DENND1B: variants seen among roughly 807,000 people sequenced by gnomAD.
DENND1B encodes DENN domain-containing protein 1B.
In DENND1B, 59 loss-of-function variants were observed where a neutral mutation model predicts 90.1. The ratio of observed to expected loss-of-function variants is 0.65; its 90% CI spans 0.53 to 0.81. DENND1B has a LOEUF of 0.81. Among genes scored for constraint, DENND1B ranks in the 40% least tolerant of loss-of-function variants. The probability of loss-of-function intolerance (pLI) is 0.00; values close to 1 mark genes in which losing one functional copy is unlikely to be tolerated. For synonymous variants in DENND1B, 337 were observed against 324.6 expected (o/e 1.04, Z -0.41); for missense variants, 862 against 912.6 (o/e 0.94, Z 0.71).
At chr1:197,600,568 C>T (rs1676111620) in intron 13 of DENND1B, among the ~76,000 whole-genome samples, 1 of 151,760 alleles carries the variant, frequency 6.6e-6, no homozygotes, top group South Asian at 2.1e-4. Flanking sequence ...CTTTGGAAAA[C>T]TTACCTCTTA....
intron 10 of DENND1B, among the ~76,000 whole-genome samples, chr1:197,625,644 G>T (rs1233697901): frequency 1.3e-5 from 2 of 151,942 alleles, no homozygotes; most frequent in Non-Finnish European, 2.9e-5. Flanking sequence ...ATAATGACAG[G>T]ATCAAATTCA....
intron 17 of DENND1B, 100 bp downstream of exon 17, chr1:197,546,633 T>C: frequency 2.0e-6 from 2 of 1,007,134 alleles, no homozygotes; most frequent in Non-Finnish European, 2.9e-6. Flanking sequence ...ACATTTCAAA[T>C]ATTTCAAATA....
chr1:197,691,236 T>C (rs1166762233), intron 3 of DENND1B, among the ~76,000 whole-genome samples: 1 of 143,116 alleles, frequency 7.0e-6, no homozygotes, highest in Non-Finnish European at 1.5e-5. Flanking sequence ...CCAAAGCATA[T>C]AAGGAACTCC....
At chr1:197,614,107 A>G (rs1677426465) in intron 11 of DENND1B, among the ~76,000 whole-genome samples, 1 of 150,384 alleles carries the variant, frequency 6.6e-6, no homozygotes, top group Non-Finnish European at 1.5e-5. Context: ...TGGAAGATAT[A>G]CTTATCTTCA....
intron 18 of DENND1B, among the ~76,000 whole-genome samples, chr1:197,541,494 A>G (rs576999592): frequency 9.8e-4 from 150 of 152,356 alleles, no homozygotes; most frequent in African/African-American, 3.4e-3. Flanking sequence ...TATTTCATAT[A>G]TAGTTTTTCT....
intron 15 of DENND1B, among the ~76,000 whole-genome samples, chr1:197,560,216 G>C (rs568341156): frequency 6.6e-6 from 1 of 151,942 alleles, no homozygotes; most frequent in African/African-American, 2.4e-5. Context: ...CAGACCAAAA[G>C]AATCAACTAA....
At chr1:197,564,884 T>A (rs1025872925) in intron 15 of DENND1B, among the ~76,000 whole-genome samples, 1 of 152,022 alleles carries the variant, frequency 6.6e-6, no homozygotes, top group Non-Finnish European at 1.5e-5. Context: ...ATTTAGGATA[T>A]TGAAATCAGT....
Position 197,595,264 on chromosome 1 carries a change from G to A in DENND1B, c.991C>T (p.Leu331Phe). Residue 331 changes from leucine (L) to phenylalanine (F), a missense_variant, in exon 14 of 23, where the codon CTT (leucine) becomes TTT (phenylalanine). Coordinates refer to ENST00000620048, the MANE Select transcript of DENND1B (RefSeq NM_001195215.2). ...ATGDGVARAF[L>F]RAQAALFGSY... ...CCAAACAAAGCAGCCTGTGCTCTAAGAAAGGCCCTAGCTACTCCATCACCC... is the reference window on the plus strand; with the variant it reads ...CCAAACAAAGCAGCCTGTGCTCTAAAAAAGGCCCTAGCTACTCCATCACCC... 1 of 1,613,428 alleles carries A rather than the reference G, an allele frequency of 6.2e-7. No homozygotes were observed. Among genetic ancestry groups the A allele is most frequent in the Non-Finnish European group, 8.5e-7 (1 of 1,179,500 alleles).
chr1:197,666,620 C>T (rs969365624), intron 5 of DENND1B, among the ~76,000 whole-genome samples: 5 of 152,082 alleles, frequency 3.3e-5, no homozygotes, highest in Non-Finnish European at 7.4e-5. Flanking sequence ...GAGGTCACTC[C>T]TACAAAACTG....
chr1:197,698,537 A>T (rs546495069), intron 3 of DENND1B, among the ~76,000 whole-genome samples: 1 of 152,192 alleles, frequency 6.6e-6, no homozygotes, highest in Admixed American at 6.5e-5. Flanking sequence ...TCCAAAAGCT[A>T]GCAGAAGACA....
At chr1:197,687,968 T>G (rs1657428455) in intron 3 of DENND1B, among the ~76,000 whole-genome samples, 1 of 152,074 alleles carries the variant, frequency 6.6e-6, no homozygotes, top group South Asian at 2.1e-4. Flanking sequence ...TCAGAAAAAT[T>G]TGTTGTAGGA....
intron 2 of DENND1B, among the ~76,000 whole-genome samples, chr1:197,771,763 T>C (rs1369263596): frequency 6.6e-6 from 1 of 152,212 alleles, no homozygotes; most frequent in African/African-American, 2.4e-5. Context: ...GAAACCCCTA[T>C]GCTTAATCAT....
intron 13 of DENND1B, among the ~76,000 whole-genome samples, chr1:197,599,458 ACTC>A (rs1247079861): frequency 6.6e-6 from 1 of 151,830 alleles, no homozygotes; most frequent in African/African-American, 2.4e-5. Flanking sequence ...AACCTAAAAC[ACTC>A]CTAAGATATT....
chr1:197,531,268 A>T (rs2125636168), intron 20 of DENND1B, among the ~76,000 whole-genome samples: 1 of 152,354 alleles, frequency 6.6e-6, no homozygotes, highest in East Asian at 1.9e-4. Context: ...TTTCAACTGT[A>T]TAAAAATTGA....
intron 3 of DENND1B, among the ~76,000 whole-genome samples, chr1:197,690,809 T>A (rs985280188): frequency 9.2e-5 from 14 of 152,152 alleles, no homozygotes; most frequent in Middle Eastern, 6.8e-3. Flanking sequence ...ATTTTTGGGT[T>A]TTTTTTGTGT....
In DENND1B at chr1:197,509,223, G is replaced by A. The variant is rs1667867979; in HGVS notation, c.*1237C>T. The A allele has an allele frequency of 6.6e-6, 1 of 151,632 alleles. No homozygotes were observed. Among genetic ancestry groups the A allele is most frequent in the Admixed American group, 6.6e-5 (1 of 15,176 alleles). The allele number at this position is 151,632 out of a possible 1,614,324, so 9.4% of individuals were successfully genotyped here. On this transcript the variant is annotated 3_prime_UTR_variant, in exon 23 of 23. Transcript: ENST00000620048. ...AAATACCCAACAAACTCCAAGAGAG[G>A]AGCATGCTACAATTTATCTGACAGT...
intron 10 of DENND1B, among the ~76,000 whole-genome samples, chr1:197,640,092 A>G (rs192489823): frequency 3.6e-4 from 55 of 152,330 alleles, no homozygotes; most frequent in African/African-American, 1.3e-3. Flanking sequence ...AGCCTTTATG[A>G]TAACAATTTG....
intron 20 of DENND1B, among the ~76,000 whole-genome samples, chr1:197,523,706 C>G (rs1215655988): frequency 6.6e-6 from 1 of 152,134 alleles, no homozygotes; most frequent in African/African-American, 2.4e-5. Context: ...AAATCAAAAT[C>G]CAGTTCATTT....
chr1:197,520,521 T>C (rs1045642256), intron 20 of DENND1B, among the ~76,000 whole-genome samples: 1 of 151,886 alleles, frequency 6.6e-6, no homozygotes, highest in South Asian at 2.1e-4. Flanking sequence ...TAACTACATA[T>C]TATAAACATC....
Sources: gnomAD v4.1 joint callset for allele counts (sites outside exome capture counted in the v4.1 genomes callset) on GRCh38, gnomAD v4.1.1 for gene constraint, MANE v1.5 for transcripts, NCBI Gene and HGNC (gene_info 2026-07-23, HGNC 2026-07-21) for gene names.